The following GRM7 variants were observed in gnomAD, a reference collection of about 807,000 sequenced individuals.
GRM7 encodes metabotropic glutamate receptor 7.
GRM7 carries 35 observed loss-of-function variants against 84.5 expected under a neutral mutation model. The observed-to-expected ratio is 0.41, with a 90% CI of 0.32 to 0.55. The LOEUF is 0.55. Among genes scored for constraint, GRM7 ranks in the 20% least tolerant of loss-of-function variants. The probability of loss-of-function intolerance (pLI) is 0.19; values close to 1 mark genes in which losing one functional copy is unlikely to be tolerated. For missense variants in GRM7, 1,003 were observed against 1,194.6 expected, an observed-to-expected ratio of 0.84 and a Z score of 2.36; for synonymous variants, 487 against 455.1, an observed-to-expected ratio of 1.07 and a Z score of -0.89.
chr3:6,993,955 T>C lies in GRM7; in HGVS notation c.519+132048T>C, dbSNP rs566717002. On this transcript the variant is annotated intron_variant, in intron 1 of 9. Transcript: ENST00000357716. ...ATGGAGCACAGGCTGAAGTTGTACATTTGGGACTCAACTGCATAGAGATCA... is the reference window on the plus strand; with the variant it reads ...ATGGAGCACAGGCTGAAGTTGTACACTTGGGACTCAACTGCATAGAGATCA... Among the ~76,000 whole-genome samples, 184 of 152,276 alleles carry C rather than the reference T, an allele frequency of 1.2e-3. No homozygotes were observed. The Middle Eastern group carries it at 0.014, about 11-fold the overall frequency.
chr3:7,667,666 A>C lies in GRM7; in HGVS notation c.2452-12383A>C, dbSNP rs570504416. Among the ~76,000 whole-genome samples the C allele has an allele frequency of 1.8e-4, 28 of 152,042 alleles. No individual in the cohort carries two copies. In the South Asian group the frequency reaches 5.8e-3, roughly 32 times the overall value. ...ACATGGTCCTAGATATTATGGAGAGATCTGAGTTGTGGAAAGACAGCAATT... is the reference window on the plus strand; with the variant it reads ...ACATGGTCCTAGATATTATGGAGAGCTCTGAGTTGTGGAAAGACAGCAATT... On this transcript the variant is annotated intron_variant, in intron 8 of 9. Coordinates refer to ENST00000357716, the MANE Select transcript of GRM7 (RefSeq NM_000844.4).
intron 1 of GRM7, among the ~76,000 whole-genome samples, chr3:7,007,066 C>G (rs1005448489): frequency 1.3e-5 from 2 of 152,114 alleles, no homozygotes; most frequent in Non-Finnish European, 2.9e-5. Flanking sequence ...TATATTGGTT[C>G]AAGGTATTTC....
chr3:7,568,858 C>T (rs760597133), intron 7 of GRM7, among the ~76,000 whole-genome samples: 23 of 152,118 alleles, frequency 1.5e-4, no homozygotes, highest in African/African-American at 2.2e-4. Flanking sequence ...ACCTGCAGCC[C>T]GCCATGCCTG....
At chr3:7,147,094 C>G (rs1249693948) in intron 2 of GRM7, among the ~76,000 whole-genome samples, 3 of 152,108 alleles carry the variant, frequency 2.0e-5, no homozygotes, top group Admixed American at 6.6e-5. Flanking sequence ...TGAAGAATAC[C>G]TGGAATTCCT....
At chr3:7,069,936 G>A (rs1034522544) in intron 1 of GRM7, among the ~76,000 whole-genome samples, 4 of 152,020 alleles carry the variant, frequency 2.6e-5, no homozygotes, top group Non-Finnish European at 5.9e-5. Flanking sequence ...TAGAGTTGGA[G>A]GAGGAATAAA....
intron 4 of GRM7, among the ~76,000 whole-genome samples, chr3:7,400,035 A>G (rs780160332): frequency 1.3e-5 from 2 of 152,224 alleles, no homozygotes; most frequent in Non-Finnish European, 2.9e-5. Flanking sequence ...CTTAGAACCT[A>G]GAAATCGTTA....
intron 8 of GRM7, 141 bp from the exon 9 acceptor site, chr3:7,679,908 T>C: frequency 2.9e-6 from 2 of 700,512 alleles, no homozygotes; most frequent in Non-Finnish European, 4.8e-6. Context: ...GCAGAGTTAT[T>C]GTGCTTTCCT....
At chr3:7,414,666 T>C (rs563619509) in intron 4 of GRM7, among the ~76,000 whole-genome samples, 1 of 152,268 alleles carries the variant, frequency 6.6e-6, no homozygotes, top group Non-Finnish European at 1.5e-5. Context: ...TATTGCTAAG[T>C]GAAAGGAGGT....
intron 8 of GRM7, among the ~76,000 whole-genome samples, chr3:7,599,968 C>A (rs1327544982): frequency 6.6e-6 from 1 of 152,066 alleles, no homozygotes; most frequent in Admixed American, 6.6e-5. Flanking sequence ...ATCACCTTAG[C>A]AACAATTGAA....
At chr3:7,593,691 T>C (rs1193796811) in intron 8 of GRM7, among the ~76,000 whole-genome samples, 2 of 151,598 alleles carry the variant, frequency 1.3e-5, no homozygotes, top group Non-Finnish European at 2.9e-5. Context: ...GTGTAGAGGA[T>C]GGAGGTAGAA....
At chr3:7,053,149 A>C (rs936222973) in intron 1 of GRM7, among the ~76,000 whole-genome samples, 1 of 149,180 alleles carries the variant, frequency 6.7e-6, no homozygotes, top group Non-Finnish European at 1.5e-5. Flanking sequence ...CATTTTTCTT[A>C]GGCTTAATGT....
chr3:7,429,643 A>G (rs1425905465), intron 5 of GRM7, among the ~76,000 whole-genome samples: 2 of 152,180 alleles, frequency 1.3e-5, no homozygotes, highest in Non-Finnish European at 2.9e-5. Context: ...AGAAAGATAA[A>G]AGTAAAGTTC....
intron 8 of GRM7, among the ~76,000 whole-genome samples, chr3:7,633,808 C>G (rs1292314157): frequency 2.0e-5 from 3 of 152,166 alleles, no homozygotes; most frequent in African/African-American, 4.8e-5. Flanking sequence ...CCCGTTCAAG[C>G]TGATCTTTTA....
chr3:7,450,101 G>C (rs1448238184), intron 5 of GRM7, among the ~76,000 whole-genome samples: 1 of 92,580 alleles, frequency 1.1e-5, no homozygotes, highest in Non-Finnish European at 2.1e-5. Flanking sequence ...AGAAGAGAAT[G>C]GCCAATAACT....
intron 1 of GRM7, among the ~76,000 whole-genome samples, chr3:6,933,545 G>A (rs1697582455): frequency 6.6e-6 from 1 of 152,090 alleles, no homozygotes; most frequent in African/African-American, 2.4e-5. Flanking sequence ...GGAGGACATT[G>A]ATATAAAATG....
chr3:7,638,751 G>T (rs1321375625), intron 8 of GRM7, among the ~76,000 whole-genome samples: 1 of 152,130 alleles, frequency 6.6e-6, no homozygotes, highest in African/African-American at 2.4e-5. Context: ...ATATCAACAG[G>T]GATCACAGCA....
chr3:7,302,083 GT>G (rs1037056089), intron 3 of GRM7, among the ~76,000 whole-genome samples: 2 of 151,708 alleles, frequency 1.3e-5, no homozygotes, highest in South Asian at 2.1e-4. Flanking sequence ...GAAAATAAAA[GT>G]TTTTTTATTG....
At chr3:7,010,937 G>A (rs1428536381) in intron 1 of GRM7, among the ~76,000 whole-genome samples, 1 of 152,140 alleles carries the variant, frequency 6.6e-6, no homozygotes, top group Non-Finnish European at 1.5e-5. Flanking sequence ...AAGCAGAGTC[G>A]GGGGAAGAGT....
intron 4 of GRM7, among the ~76,000 whole-genome samples, chr3:7,344,831 GA>G (rs1351135751): frequency 6.6e-6 from 1 of 152,056 alleles, no homozygotes; most frequent in Non-Finnish European, 1.5e-5. Flanking sequence ...AGCTAGAGAG[GA>G]GGAACAAGTT....
Sources: allele counts gnomAD v4.1 joint callset (sites outside exome capture counted in the v4.1 genomes callset), GRCh38; gene constraint gnomAD v4.1.1; transcripts MANE v1.5; gene names NCBI Gene and HGNC (gene_info 2026-07-23, HGNC 2026-07-21).